Variants in LGSN observed in about 807,000 individuals in gnomAD.
The protein encoded by LGSN is lengsin.
In LGSN, 21 loss-of-function variants were observed where a neutral mutation model predicts 19.5. The observed-to-expected ratio is 1.07, with a 90% CI of 0.76 to 1.55. LGSN has a LOEUF of 1.55. LGSN is among the 40% of genes most tolerant of loss of function. The pLI, the probability that LGSN is intolerant of heterozygous loss-of-function variation, is 0.00. For synonymous variants in LGSN, 257 were observed against 215.6 expected (o/e 1.19, Z -1.68); for missense variants, 673 against 608.5 (o/e 1.11, Z -1.12).
At chr6:63,394,417 A>G in the LGSN span, among the ~76,000 whole-genome samples, 1 of 152,322 alleles carries the variant, frequency 6.6e-6, no homozygotes, top group African/African-American at 2.4e-5. Flanking sequence ...TGGCATGCTA[A>G]AAGACACTCC....
At chr6:63,386,687 C>T in the LGSN span, among the ~76,000 whole-genome samples, 1 of 152,138 alleles carries the variant, frequency 6.6e-6, no homozygotes, top group Admixed American at 6.5e-5. Context: ...CAAAAGAACC[C>T]ATGTTCCTTT....
At chr6:63,328,909 C>T in the LGSN span, among the ~76,000 whole-genome samples, 3 of 152,194 alleles carry the variant, frequency 2.0e-5, no homozygotes, top group Non-Finnish European at 4.4e-5. Flanking sequence ...CAAGGAACCC[C>T]TTCAACTGTT....
chr6:63,281,273 C>A, intron 3 of LGSN, 53 bp from the exon 4 acceptor site: 1 of 1,251,116 alleles, frequency 8.0e-7, no homozygotes, highest in Non-Finnish European at 1.0e-6. Context: ...ACAAAAGGGT[C>A]GGGGGGCGGC....
At chr6:63,321,311 A>T (rs189393633), upstream of LGSN, among the ~76,000 whole-genome samples, 4 of 152,294 alleles carry the variant, frequency 2.6e-5, no homozygotes, top group East Asian at 7.7e-4. Flanking sequence ...TATGGAAAAA[A>T]ATGTTTTGTG....
At chr6:63,359,738 G>A in the LGSN span, among the ~76,000 whole-genome samples, 1 of 151,842 alleles carries the variant, frequency 6.6e-6, no homozygotes. Flanking sequence ...TTCTTTATTA[G>A]TCTTGCTGGT....
chr6:63,371,056 T>C, the LGSN span, among the ~76,000 whole-genome samples: 2 of 152,230 alleles, frequency 1.3e-5, no homozygotes, highest in East Asian at 3.8e-4. Context: ...GTCTAGCATC[T>C]AGCATATATT....
chr6:63,452,598 T>G, the LGSN span, among the ~76,000 whole-genome samples: 1 of 152,010 alleles, frequency 6.6e-6, no homozygotes, highest in South Asian at 2.1e-4. Context: ...TTTTAAGTAT[T>G]TGTAGGAAAT....
At chr6:63,471,276 C>T in the LGSN span, among the ~76,000 whole-genome samples, 8 of 73,686 alleles carry the variant, frequency 1.1e-4, no homozygotes, top group Admixed American at 1.0e-3. Flanking sequence ...CCATGCCTGG[C>T]CCAGATTCAG....
At chr6:63,569,642 C>T in the LGSN span, among the ~76,000 whole-genome samples, 6 of 152,136 alleles carry the variant, frequency 3.9e-5, no homozygotes, top group Non-Finnish European at 7.4e-5. Flanking sequence ...AATAGAAAGC[C>T]CTGCCTATCG....
At chr6:63,389,174 A>G in the LGSN span, among the ~76,000 whole-genome samples, 2 of 152,244 alleles carry the variant, frequency 1.3e-5, no homozygotes, top group Non-Finnish European at 2.9e-5. Context: ...AAGAGTAAGT[A>G]AATTGCTCAG....
chr6:63,397,273 C>T, the LGSN span, among the ~76,000 whole-genome samples: 1 of 152,092 alleles, frequency 6.6e-6, no homozygotes, highest in Non-Finnish European at 1.5e-5. Context: ...TCAATACAAA[C>T]TTTCACTCCT....
At chr6:63,450,093 C>T in the LGSN span, among the ~76,000 whole-genome samples, 54 of 150,580 alleles carry the variant, frequency 3.6e-4, no homozygotes, top group East Asian at 0.011. Context: ...ACGCCTGTAA[C>T]CCCAGCACTT....
the LGSN span, among the ~76,000 whole-genome samples, chr6:63,416,238 A>AGACT: frequency 0.022 from 3,397 of 152,248 alleles, 48 homozygotes; most frequent in Middle Eastern, 0.041. Flanking sequence ...CTCCTAAGAC[A>AGACT]AAGAATCTTC....
At chr6:63,425,861 A>T in the LGSN span, among the ~76,000 whole-genome samples, 1 of 152,238 alleles carries the variant, frequency 6.6e-6, no homozygotes, top group Admixed American at 6.5e-5. Context: ...TATTAATTCC[A>T]ATATCTCAGT....
chr6:63,504,388 C>T, the LGSN span, among the ~76,000 whole-genome samples: 5 of 152,040 alleles, frequency 3.3e-5, no homozygotes, highest in Non-Finnish European at 4.4e-5. Flanking sequence ...ACTACAGGTG[C>T]CCACCACCAC....
the LGSN span, among the ~76,000 whole-genome samples, chr6:63,448,623 GGT>G: frequency 6.8e-6 from 1 of 147,614 alleles, no homozygotes; most frequent in Non-Finnish European, 1.5e-5. Flanking sequence ...TAACAAATTT[GGT>G]CCAGTTACAT....
At chr6:63,527,876 G>C in the LGSN span, 1 of 152,214 alleles carries the variant, frequency 6.6e-6, no homozygotes, top group South Asian at 2.1e-4. Context: ...CCCAGCAGCA[G>C]TGCCAGTTCA....
At chr6:63,426,908 T>A in the LGSN span, among the ~76,000 whole-genome samples, 3,674 of 152,298 alleles carry the variant, frequency 0.024, 148 homozygotes, top group African/African-American at 0.084. Context: ...AAACAGCTCA[T>A]AAAATCAATG....
At chr6:63,452,620 C>T in the LGSN span, among the ~76,000 whole-genome samples, 1 of 150,274 alleles carries the variant, frequency 6.7e-6, no homozygotes. Context: ...TAATGATGTC[C>T]CCGATTTTAT....
Sources: gnomAD v4.1 joint callset for allele counts (sites outside exome capture counted in the v4.1 genomes callset) on GRCh38, gnomAD v4.1.1 for gene constraint, MANE v1.5 for transcripts, NCBI Gene and HGNC (gene_info 2026-07-23, HGNC 2026-07-21) for gene names.